The following ATP13A5 variants were observed in gnomAD, a reference collection of about 807,000 sequenced individuals.
The protein encoded by ATP13A5 is ATPase 13A5.
ATP13A5 carries 149 observed loss-of-function variants against 150.2 expected under a neutral mutation model. That is an observed-to-expected ratio of 0.99 (90% CI 0.87 to 1.14). ATP13A5 has a LOEUF of 1.14. Among genes scored for constraint, ATP13A5 ranks in the 50% most tolerant of loss-of-function variants. The probability of loss-of-function intolerance (pLI) is 0.00; values close to 1 mark genes in which losing one functional copy is unlikely to be tolerated. For synonymous variants in ATP13A5, 497 were observed against 522.2 expected, an observed-to-expected ratio of 0.95 and a Z score of 0.66; for missense variants, 1,383 against 1,449.3, an observed-to-expected ratio of 0.95 and a Z score of 0.74.
intron 17 of ATP13A5, among the ~76,000 whole-genome samples, chr3:193,317,485 A>C (rs1279586959): frequency 6.6e-6 from 1 of 152,184 alleles, no homozygotes; most frequent in Non-Finnish European, 1.5e-5. Context: ...AGATTTGCTA[A>C]ACTGGTGAAG....
Position 193,276,834 on chromosome 3 carries a change from T to C in ATP13A5, c.3316-4A>G. The C allele has an allele frequency of 1.2e-6, 2 of 1,609,398 alleles. No individual in the cohort carries two copies. The highest frequency in any genetic ancestry group is 2.2e-5 in the East Asian group (1 of 44,840). On this transcript the variant is annotated splice_polypyrimidine_tract_variant and splice_region_variant and intron_variant, in intron 28 of 29. Transcript: ENST00000342358. ...ACGATGTTATGGTTGGGATCAACTG[T>C]TGAAAAACAAATACCATTATTATAT... is the stretch of plus-strand genomic sequence containing the variant.
At chr3:193,280,660 C>A (rs1717447789) in intron 27 of ATP13A5, among the ~76,000 whole-genome samples, 1 of 152,200 alleles carries the variant, frequency 6.6e-6, no homozygotes, top group African/African-American at 2.4e-5. Context: ...TTATTTCCAA[C>A]CTCACCCACT....
At position 193,335,007 on chromosome 3, in the gene ATP13A5, C is replaced by T. The variant is rs775835625; in HGVS notation, c.1036G>A (p.Val346Ile). The change falls in exon 10 of 30, where the codon GTC becomes ATC. Residue 346 changes from valine (V) to isoleucine (I), a missense_variant. Val to Ile is a conservative substitution (Grantham distance 29). Coordinates refer to ENST00000342358, the MANE Select transcript of ATP13A5 (RefSeq NM_198505.4). The part of the protein sequence containing the change: ...CHSLEDYRKH[V>I]LFCGTEVIQV... ...ATAACTTCTGTTCCACAGAAAAGGA[C>T]GTGTTTCCTATAATCCTCCAAACTG... 9.3e-6 allele frequency: 15 copies of T among 1,613,954 alleles called. No individual in the cohort carries two copies. Among genetic ancestry groups the T allele is most frequent in the African/African-American group, 2.7e-5 (2 of 75,052 alleles).
At position 193,309,194 on chromosome 3, in the gene ATP13A5, G is replaced by C. The variant is rs78624341; in HGVS notation, c.2525+1444C>G. ...AACTTGGTCATCTTTATTTTTGAAG[G>C]GGGTAATAAAGGACTTTCTCTTGAC... On this transcript the variant is annotated intron_variant, in intron 21 of 29. Coordinates refer to ENST00000342358, the MANE Select transcript of ATP13A5 (RefSeq NM_198505.4). 8.3e-3 allele frequency among the ~76,000 whole-genome samples: 1,264 copies of C among 152,264 alleles called. 18 individuals carry two copies. The highest frequency in any genetic ancestry group is 0.029 in the African/African-American group (1,188 of 41,542).
Position 193,351,136 on chromosome 3 carries a change from T to G in ATP13A5, c.672A>C (p.Ile224=). 6.2e-7 allele frequency: 1 copy of G among 1,613,840 alleles called. No homozygotes were observed. The highest frequency in any genetic ancestry group is 8.5e-7 in the Non-Finnish European group (1 of 1,179,768). ...AAATGATGATGGCCACAGAGTATTCTATGTAACCTTGAGACAGCCACAAAG... is the reference window on the plus strand; with the variant it reads ...AAATGATGATGGCCACAGAGTATTCGATGTAACCTTGAGACAGCCACAAAG... ...TLTLWLSQGY[I]EYSVAIIILT... The change falls in exon 7 of 30, where the codon ATA becomes ATC. Residue 224 remains isoleucine, a synonymous_variant. Coordinates refer to ENST00000342358, the MANE Select transcript of ATP13A5 (RefSeq NM_198505.4).
At chr3:193,302,035 G>A (rs1718419614) in intron 23 of ATP13A5, among the ~76,000 whole-genome samples, 1 of 152,170 alleles carries the variant, frequency 6.6e-6, no homozygotes, top group African/African-American at 2.4e-5. Context: ...AAAAATGTGA[G>A]GTAGCAGCAT....
At chr3:193,337,452 A>G (rs1034914514) in intron 9 of ATP13A5, among the ~76,000 whole-genome samples, 1 of 152,204 alleles carries the variant, frequency 6.6e-6, no homozygotes, top group Admixed American at 6.5e-5. Context: ...AGCTTTCTAC[A>G]TATGGCTAGC....
At chr3:193,328,132 A>G (rs1719533399) in intron 12 of ATP13A5, among the ~76,000 whole-genome samples, 1 of 152,236 alleles carries the variant, frequency 6.6e-6, no homozygotes, top group Non-Finnish European at 1.5e-5. Flanking sequence ...GCCTAATGTC[A>G]TAGTGGCCTG....
intron 25 of ATP13A5, among the ~76,000 whole-genome samples, chr3:193,290,470 A>G (rs1056798535): frequency 1.3e-5 from 2 of 152,076 alleles, no homozygotes; most frequent in African/African-American, 2.4e-5. Flanking sequence ...AAGGAGGAAT[A>G]TAGCCAGATT....
chr3:193,341,310 G>C (rs1361719061), intron 9 of ATP13A5, among the ~76,000 whole-genome samples: 1 of 152,144 alleles, frequency 6.6e-6, no homozygotes, highest in Admixed American at 6.5e-5. Flanking sequence ...AGTTTTTGAA[G>C]TCCTTCATGA....
intron 27 of ATP13A5, among the ~76,000 whole-genome samples, chr3:193,281,688 G>C (rs1717501625): frequency 6.6e-6 from 1 of 152,140 alleles, no homozygotes; most frequent in Non-Finnish European, 1.5e-5. Context: ...AGTAGTTCTA[G>C]AGGCTTTTGA....
chr3:193,326,008 G>T (rs1273120589), intron 13 of ATP13A5, among the ~76,000 whole-genome samples: 1 of 152,156 alleles, frequency 6.6e-6, no homozygotes, highest in Non-Finnish European at 1.5e-5. Flanking sequence ...ACATCAGTAG[G>T]GTTAAAGCTC....
chr3:193,355,468 G>C (rs1314719312), intron 5 of ATP13A5, among the ~76,000 whole-genome samples: 1 of 152,152 alleles, frequency 6.6e-6, no homozygotes, highest in African/African-American at 2.4e-5. Context: ...CCTCAGAAAG[G>C]ACCAATGGGG....
chr3:193,341,843 G>A (rs1273281043), intron 9 of ATP13A5, among the ~76,000 whole-genome samples: 1 of 152,208 alleles, frequency 6.6e-6, no homozygotes, highest in Non-Finnish European at 1.5e-5. Context: ...ATAGCATAAG[G>A]CTAAGGAGAG....
Position 193,362,607 on chromosome 3 carries a change from A to C in ATP13A5, c.415T>G (p.Tyr139Asp). The C allele has an allele frequency of 6.2e-7, 1 of 1,614,194 alleles. No individual in the cohort carries two copies. The highest frequency in any genetic ancestry group is 8.5e-7 in the Non-Finnish European group (1 of 1,180,016). Residue 139 changes from tyrosine to aspartate, a missense_variant, in exon 4 of 30, where the codon TAT (tyrosine) becomes GAT (aspartate). This residue lies in a region of ATP13A5 where 787 missense variants were observed against 771.9 expected (regional missense o/e 1.02). Coordinates refer to ENST00000342358, the MANE Select transcript of ATP13A5 (RefSeq NM_198505.4). ...CGCTTCTCCAGGTCGTTCCAAACAT[A>C]CCTGATTTTCTGCACTTCCATGCAC... Reference protein sequence around the residue: ...LRCMEVQKIRYVWNDLEKRFQ... With the variant: ...LRCMEVQKIRDVWNDLEKRFQ...
intron 1 of ATP13A5, among the ~76,000 whole-genome samples, chr3:193,370,596 A>G (rs753661340): frequency 1.3e-5 from 2 of 152,216 alleles, no homozygotes; most frequent in Non-Finnish European, 2.9e-5. Context: ...TCCACAGATG[A>G]GAATAATAAC....
chr3:193,302,773 A>T (rs2108841379), intron 23 of ATP13A5, among the ~76,000 whole-genome samples: 1 of 152,340 alleles, frequency 6.6e-6, no homozygotes, highest in African/African-American at 2.4e-5. Context: ...CTATGCATCT[A>T]AAACTGTATC....
chr3:193,331,070 C>A (rs1711608403), intron 12 of ATP13A5, 53 bp downstream of exon 12: 3 of 1,551,188 alleles, frequency 1.9e-6, no homozygotes, highest in Admixed American at 1.8e-5. Context: ...TTCTTCCCAG[C>A]TCCACCATGC....
chr3:193,343,862 G>A, intron 9 of ATP13A5, 65 bp downstream of exon 9: 1 of 1,553,840 alleles, frequency 6.4e-7, no homozygotes, highest in Non-Finnish European at 8.7e-7. Context: ...TATAAGGTAG[G>A]TGAGGATATG....
Sources: allele counts gnomAD v4.1 joint callset (sites outside exome capture counted in the v4.1 genomes callset), GRCh38; gene constraint gnomAD v4.1.1; regional missense constraint gnomAD v4.1.1; transcripts MANE v1.5; gene names NCBI Gene and HGNC (gene_info 2026-07-23, HGNC 2026-07-21).